Variants in AK9 observed in about 807,000 individuals in gnomAD.
The protein encoded by AK9 is adenylate kinase 9.
AK9 carries 191 observed loss-of-function variants against 239.6 expected under a neutral mutation model. That is an observed-to-expected ratio of 0.80 (90% CI 0.71 to 0.90). The LOEUF is 0.90. Ranked by LOEUF, AK9 falls within the 40% of genes least tolerant of loss-of-function variation. The probability of loss-of-function intolerance (pLI) is 0.00; values close to 1 mark genes in which losing one functional copy is unlikely to be tolerated. For missense variants in AK9, 1,995 were observed against 2,214.7 expected, an observed-to-expected ratio of 0.90 and a Z score of 1.99; for synonymous variants, 689 against 721.0, an observed-to-expected ratio of 0.96 and a Z score of 0.71.
At chr6:109,687,213 G>A (rs560826473) in intron 1 of AK9, among the ~76,000 whole-genome samples, 8 of 152,256 alleles carry the variant, frequency 5.3e-5, no homozygotes, top group East Asian at 1.9e-4. Context: ...AGGACAATGC[G>A]GATTGGTTTC....
At chr6:109,525,991 A>G (rs1265788508) in intron 29 of AK9, among the ~76,000 whole-genome samples, 2 of 152,234 alleles carry the variant, frequency 1.3e-5, no homozygotes, top group Non-Finnish European at 2.9e-5. Context: ...TTGCAGCAAC[A>G]TGGATGGAGC....
At chr6:109,541,171 T>C (rs1212821804) in intron 27 of AK9, among the ~76,000 whole-genome samples, 6 of 152,132 alleles carry the variant, frequency 3.9e-5, no homozygotes, top group Admixed American at 3.9e-4. Context: ...CTTTTCAAAA[T>C]GTGTTATTTT....
At chr6:109,580,328 T>G (rs1788672247) in intron 19 of AK9, among the ~76,000 whole-genome samples, 1 of 152,104 alleles carries the variant, frequency 6.6e-6, no homozygotes. Context: ...TAAAGAAAGG[T>G]GGACGGAAAG....
At chr6:109,616,120 T>A (rs1348135902) in intron 13 of AK9, among the ~76,000 whole-genome samples, 1 of 152,026 alleles carries the variant, frequency 6.6e-6, no homozygotes, top group African/African-American at 2.4e-5. Flanking sequence ...ATTGCTTACC[T>A]ACATAATTAG....
chr6:109,645,924 G>A lies in AK9; in HGVS notation c.760-1236C>T, dbSNP rs117849484. 4.2e-3 allele frequency among the ~76,000 whole-genome samples: 638 copies of A among 152,310 alleles called. 3 individuals carry two copies. Among genetic ancestry groups the A allele is most frequent in the South Asian group, 9.3e-3 (45 of 4,828 alleles). On this transcript the variant is annotated intron_variant, in intron 8 of 40. Transcript: ENST00000424296. ...TTTGATGTTCTGTTCTACAGCGTTC[G>A]CTGGTGATACCCAGGCAAACAGGGT...
rs545572906 is a variant in AK9, at chr6:109,653,083, T to C, written c.759+3673A>G. On this transcript the variant is annotated intron_variant, in intron 8 of 40. Transcript: ENST00000424296. ...CTGGGATTATAGGTGCCTGCCACCA[T>C]GCCTGGCTGATTTTTGTATTTTTAG... 2.1e-4 allele frequency among the ~76,000 whole-genome samples: 32 copies of C among 152,240 alleles called. 1 individual carries two copies. In the South Asian group the frequency reaches 5.6e-3, roughly 27 times the overall value.
chr6:109,546,008 T>G lies in AK9; in HGVS notation c.3084A>C (p.Glu1028Asp). Residue 1028 changes from glutamate to aspartate, a missense_variant, in exon 26 of 41, where the codon GAA becomes GAC. Coordinates refer to ENST00000424296, the MANE Select transcript of AK9 (RefSeq NM_001145128.3). ...TCTTTTCAGTTTTGAGTAGTAGTTT[T>G]TCTTGAAGAACTTCTTCAAACTGAA... The part of the protein sequence containing the change: ...FHIQFEEVLQ[E>D]KLLLKTEKKV... 1.9e-6 allele frequency: 3 copies of G among 1,614,162 alleles called. No homozygotes were observed. Among genetic ancestry groups the G allele is most frequent in the Non-Finnish European group, 1.7e-6 (2 of 1,180,024 alleles).
intron 29 of AK9, among the ~76,000 whole-genome samples, chr6:109,523,283 TTTC>T (rs1460944061): frequency 6.6e-6 from 1 of 152,152 alleles, no homozygotes; most frequent in Non-Finnish European, 1.5e-5. Context: ...AAATTTTTTT[TTTC>T]ATTTTTCTGT....
At chr6:109,573,204 T>C (rs1434424018) in intron 21 of AK9, among the ~76,000 whole-genome samples, 2 of 152,166 alleles carry the variant, frequency 1.3e-5, no homozygotes, top group African/African-American at 4.8e-5. Flanking sequence ...TTGAACAACA[T>C]GCCCCACAAA....
Position 109,546,099 on chromosome 6 carries a change from C to T in AK9, c.2993G>A (p.Gly998Asp), listed in dbSNP as rs1783523354. Residue 998 changes from glycine (G) to aspartate (D), a missense_variant, in exon 26 of 41, where the codon GGC (glycine) becomes GAC (aspartate). By Grantham distance (94) the Gly-to-Asp change is moderately conservative. Transcript: ENST00000424296. ...KAPPLRICLVGPQGSGKTMCG... is the reference protein window; with the variant it reads ...KAPPLRICLVDPQGSGKTMCG... ...CATAGTTTTGCCAGAGCCCTGGGGG[C>T]CGACAAGGCATATTCTTAATGGAGG... 1 of 1,607,912 alleles carries T rather than the reference C, an allele frequency of 6.2e-7. No homozygotes were observed.
At chr6:109,597,804 T>C (rs1791260292) in intron 17 of AK9, among the ~76,000 whole-genome samples, 1 of 151,954 alleles carries the variant, frequency 6.6e-6, no homozygotes, top group Non-Finnish European at 1.5e-5. Flanking sequence ...TAAAAAGCTT[T>C]AGAAGGGTAA....
intron 15 of AK9, among the ~76,000 whole-genome samples, chr6:109,613,972 A>G (rs1333410462): frequency 6.6e-6 from 1 of 151,862 alleles, no homozygotes; most frequent in African/African-American, 2.4e-5. Context: ...ATTGTATCTG[A>G]CTCCCCATTT....
intron 24 of AK9, among the ~76,000 whole-genome samples, chr6:109,561,004 G>A (rs969143508): frequency 3.3e-5 from 5 of 152,018 alleles, no homozygotes; most frequent in Non-Finnish European, 5.9e-5. Context: ...TGTTGCCTAG[G>A]CTGGAGTGCA....
At chr6:109,514,473 T>C (rs1194970488) in intron 31 of AK9, 36 bp from the exon 32 acceptor site, 2 of 1,482,988 alleles carry the variant, frequency 1.3e-6, no homozygotes, top group Admixed American at 2.3e-5. Flanking sequence ...GAAAGTTAGT[T>C]TGAATTTTTA....
At chr6:109,555,487 A>G (rs1784890196) in intron 24 of AK9, among the ~76,000 whole-genome samples, 1 of 152,170 alleles carries the variant, frequency 6.6e-6, no homozygotes, top group Admixed American at 6.5e-5. Context: ...TATATATTCT[A>G]TTGATTTGGG....
At chr6:109,553,757 A>G (rs1043232194) in intron 24 of AK9, among the ~76,000 whole-genome samples, 1 of 152,164 alleles carries the variant, frequency 6.6e-6, no homozygotes, top group African/African-American at 2.4e-5. Context: ...GAGTGGTGAG[A>G]GAAGGTATCC....
chr6:109,597,867 A>C (rs1356036947), intron 17 of AK9, among the ~76,000 whole-genome samples: 1 of 152,120 alleles, frequency 6.6e-6, no homozygotes, highest in Non-Finnish European at 1.5e-5. Context: ...GAAGAGGGCC[A>C]AGTGGGCAAC....
intron 1 of AK9, among the ~76,000 whole-genome samples, chr6:109,683,956 T>A (rs1369985651): frequency 6.6e-5 from 10 of 151,942 alleles, no homozygotes; most frequent in South Asian, 2.1e-4. Flanking sequence ...TCCTAAGCAA[T>A]AAGAACAAAG....
chr6:109,638,799 C>T (rs1032040396), intron 10 of AK9, among the ~76,000 whole-genome samples: 3 of 152,140 alleles, frequency 2.0e-5, no homozygotes, highest in Admixed American at 2.0e-4. Context: ...TATCCCTCCC[C>T]CAGATCCCCA....
Sources: gnomAD v4.1 joint callset for allele counts (sites outside exome capture counted in the v4.1 genomes callset) on GRCh38, gnomAD v4.1.1 for gene constraint, MANE v1.5 for transcripts, NCBI Gene and HGNC (gene_info 2026-07-23, HGNC 2026-07-21) for gene names.